SGCZ: variants seen among roughly 807,000 people sequenced by gnomAD.
SGCZ encodes sarcoglycan zeta.
SGCZ carries 40 observed loss-of-function variants against 41.3 expected under a neutral mutation model. That is an observed-to-expected ratio of 0.97 (90% CI 0.75 to 1.26). SGCZ has a LOEUF of 1.26. SGCZ is among the 50% of genes most tolerant of loss of function. SGCZ has a pLI of 0.00. For missense variants in SGCZ, 552 were observed against 369.8 expected (o/e 1.49, Z -4.04); for synonymous variants, 206 against 137.5 (o/e 1.50, Z -3.49).
intron 2 of SGCZ, among the ~76,000 whole-genome samples, chr8:14,351,069 G>A (rs1803074316): frequency 6.6e-6 from 1 of 151,964 alleles, no homozygotes; most frequent in South Asian, 2.1e-4. Flanking sequence ...CTTCTGTAGT[G>A]GCATTTTGTT....
At chr8:14,292,983 T>C (rs1404988341) in intron 3 of SGCZ, among the ~76,000 whole-genome samples, 1 of 151,958 alleles carries the variant, frequency 6.6e-6, no homozygotes, top group African/African-American at 2.4e-5. Flanking sequence ...TCATTCTTAT[T>C]TAGGTTTCAG....
intron 7 of SGCZ, among the ~76,000 whole-genome samples, chr8:14,092,363 T>G (rs1419427654): frequency 6.6e-6 from 1 of 152,140 alleles, no homozygotes; most frequent in African/African-American, 2.4e-5. Context: ...AGAATGTCAA[T>G]AGTAGCTTGA....
At chr8:14,543,369 C>G (rs4831602) in intron 2 of SGCZ, among the ~76,000 whole-genome samples, 18 of 152,030 alleles carry the variant, frequency 1.2e-4, no homozygotes, top group Admixed American at 6.6e-5. Flanking sequence ...CATTTCTAAG[C>G]ATCCTGTAAC....
chr8:14,834,478 T>G (rs1802632308), intron 1 of SGCZ, among the ~76,000 whole-genome samples: 1 of 152,168 alleles, frequency 6.6e-6, no homozygotes, highest in South Asian at 2.1e-4. Context: ...TTAACATAGT[T>G]GCTCAGGAAT....
chr8:14,521,364 AG>A (rs1802783149), intron 2 of SGCZ, among the ~76,000 whole-genome samples: 3 of 152,248 alleles, frequency 2.0e-5, no homozygotes, highest in Admixed American at 2.0e-4. Context: ...AGATTCCTCC[AG>A]GTCCTTGTGT....
intron 1 of SGCZ, among the ~76,000 whole-genome samples, chr8:14,714,321 TA>T (rs1334870253): frequency 1.1e-4 from 17 of 152,236 alleles, no homozygotes; most frequent in African/African-American, 3.9e-4. Flanking sequence ...TTTAAAAGTT[TA>T]TAGAAGTTAA....
At chr8:15,054,371 C>T in intron 1 of SGCZ, among the ~76,000 whole-genome samples, 1 of 152,138 alleles carries the variant, frequency 6.6e-6, no homozygotes, top group East Asian at 1.9e-4. Flanking sequence ...CAGAACGTAG[C>T]TTGGAGGCTA....
At chr8:14,476,381 A>G (rs370100602) in intron 2 of SGCZ, among the ~76,000 whole-genome samples, 1 of 152,114 alleles carries the variant, frequency 6.6e-6, no homozygotes. Context: ...GATTCCCATC[A>G]TAAATCTTTC....
intron 1 of SGCZ, among the ~76,000 whole-genome samples, chr8:15,142,683 C>T (rs1019982779): frequency 6.7e-6 from 1 of 148,600 alleles, no homozygotes; most frequent in African/African-American, 2.5e-5. Context: ...CCAATCTCAT[C>T]TCACTGTAAC....
intron 2 of SGCZ, among the ~76,000 whole-genome samples, chr8:14,496,270 C>T (rs4831296): frequency 0.48 from 72,825 of 151,776 alleles, 17,608 homozygotes; most frequent in Admixed American, 0.54. Context: ...AAATCCACTA[C>T]GTTGCCCAGG....
intron 2 of SGCZ, among the ~76,000 whole-genome samples, chr8:14,439,870 G>C (rs1350467976): frequency 6.6e-6 from 1 of 151,820 alleles, no homozygotes. Flanking sequence ...ACATAATTCA[G>C]TCACATTTTC....
intron 2 of SGCZ, among the ~76,000 whole-genome samples, chr8:14,480,254 TAGTACATTACAC>T (rs1801498942): frequency 6.6e-6 from 1 of 152,230 alleles, no homozygotes; most frequent in Non-Finnish European, 1.5e-5. Flanking sequence ...TAATATATTC[TAGTACATTACAC>T]TTAGCAACAG....
intron 3 of SGCZ, among the ~76,000 whole-genome samples, chr8:14,311,950 A>G (rs1386459589): frequency 6.6e-6 from 1 of 152,190 alleles, no homozygotes; most frequent in East Asian, 1.9e-4. Flanking sequence ...TGGAATAAAC[A>G]AAGTGTTTCA....
At chr8:15,055,802 G>A (rs1404994065) in intron 1 of SGCZ, among the ~76,000 whole-genome samples, 4 of 152,184 alleles carry the variant, frequency 2.6e-5, no homozygotes, top group African/African-American at 9.6e-5. Flanking sequence ...TGTCCTTGAG[G>A]TGCATTTTCA....
At chr8:14,651,238 A>G (rs1474192543) in intron 1 of SGCZ, among the ~76,000 whole-genome samples, 1 of 152,108 alleles carries the variant, frequency 6.6e-6, no homozygotes, top group Non-Finnish European at 1.5e-5. Context: ...TAAAAATTTA[A>G]TCCTCCTTAT....
intron 2 of SGCZ, among the ~76,000 whole-genome samples, chr8:14,395,738 A>G (rs1371268293): frequency 6.6e-6 from 1 of 152,196 alleles, no homozygotes; most frequent in Non-Finnish European, 1.5e-5. Context: ...GAACATAACC[A>G]GACATCAGAT....
At chr8:14,172,753 T>A (rs1804425605) in intron 4 of SGCZ, among the ~76,000 whole-genome samples, 1 of 151,654 alleles carries the variant, frequency 6.6e-6, no homozygotes, top group South Asian at 2.1e-4. Flanking sequence ...AGAGATGAGA[T>A]TTCAGGAAAT....
chr8:15,169,259 G>T (rs268400), intron 1 of SGCZ, among the ~76,000 whole-genome samples: 3 of 151,998 alleles, frequency 2.0e-5, no homozygotes, highest in African/African-American at 7.3e-5. Context: ...CTTTAAAGGG[G>T]GAAATGAGAC....
intron 1 of SGCZ, chr8:14,853,416 G>A (rs767245665): frequency 3.8e-6 from 2 of 527,626 alleles, no homozygotes; most frequent in South Asian, 2.8e-5. Flanking sequence ...AAGGTCTCAT[G>A]AGGTAAAGGC....
Sources: allele counts gnomAD v4.1 joint callset (sites outside exome capture counted in the v4.1 genomes callset), GRCh38; gene constraint gnomAD v4.1.1; transcripts MANE v1.5; gene names NCBI Gene and HGNC (gene_info 2026-07-23, HGNC 2026-07-21).